Variants in RIMS1 observed in about 807,000 individuals in gnomAD.
RIMS1 encodes the protein regulating synaptic membrane exocytosis protein 1.
A neutral mutation model predicts 214.1 loss-of-function variants in RIMS1; 83 were observed. That is an observed-to-expected ratio of 0.39 (90% confidence interval 0.32 to 0.47). RIMS1 has a LOEUF of 0.47. Among genes scored for constraint, RIMS1 ranks in the 20% least tolerant of loss-of-function variants. The pLI is 0.99. For missense variants in RIMS1, 2,050 were observed against 2,161.8 expected (o/e 0.95, Z 1.03); for synonymous variants, 793 against 786.8 (o/e 1.01, Z -0.13).
At chr6:72,235,221 C>T (rs2063539786) in intron 7 of RIMS1, among the ~76,000 whole-genome samples, 1 of 151,826 alleles carries the variant, frequency 6.6e-6, no homozygotes, top group Non-Finnish European at 1.5e-5. Flanking sequence ...CATTCAATGT[C>T]CTCCTTCTAG....
intron 4 of RIMS1, among the ~76,000 whole-genome samples, chr6:72,169,848 C>T (rs762330331): frequency 3.3e-5 from 5 of 152,162 alleles, no homozygotes; most frequent in Non-Finnish European, 7.3e-5. Flanking sequence ...GAGGTTGAGG[C>T]TGCAGTGAGC....
chr6:72,141,631 C>T (rs1037987082), intron 4 of RIMS1, among the ~76,000 whole-genome samples: 35 of 151,926 alleles, frequency 2.3e-4, no homozygotes, highest in African/African-American at 7.7e-4. Flanking sequence ...TACATTTTGA[C>T]ATTTTATAAA....
chr6:71,923,571 TC>T (rs371737462), intron 1 of RIMS1, among the ~76,000 whole-genome samples: 43 of 151,308 alleles, frequency 2.8e-4, no homozygotes, highest in South Asian at 4.2e-4. Context: ...TTGTGACTTT[TC>T]TTTTTTTTTT....
chr6:72,350,035 C>G (rs2154368537), intron 29 of RIMS1, among the ~76,000 whole-genome samples: 1 of 152,158 alleles, frequency 6.6e-6, no homozygotes, highest in South Asian at 2.1e-4. Context: ...AAAATTTACT[C>G]TCACTTCAGT....
At chr6:72,317,236 C>T (rs1368227288) in intron 28 of RIMS1, 11 of 293,372 alleles carry the variant, frequency 3.7e-5, no homozygotes, top group Non-Finnish European at 4.7e-5. Context: ...GGGAGCATCT[C>T]GCAGCAAGTA....
intron 7 of RIMS1, 140 bp from the exon 8 acceptor site, chr6:72,235,476 CAT>C: frequency 1.8e-6 from 1 of 551,868 alleles, no homozygotes; most frequent in Non-Finnish European, 3.2e-6. Flanking sequence ...CGGGAACTAA[CAT>C]GTTCCTGGCT....
chr6:72,396,284 GTA>G (rs2098775654), intron 31 of RIMS1, among the ~76,000 whole-genome samples: 1 of 152,110 alleles, frequency 6.6e-6, no homozygotes. Flanking sequence ...ACACACGTGT[GTA>G]TGTGTGTGTG....
At chr6:72,237,130 T>G (rs1385399364) in intron 8 of RIMS1, among the ~76,000 whole-genome samples, 1 of 151,466 alleles carries the variant, frequency 6.6e-6, no homozygotes, top group African/African-American at 2.4e-5. Context: ...CACTTGAGCC[T>G]GGGAGTTCAC....
At chr6:71,997,533 A>G (rs1803831597) in intron 2 of RIMS1, among the ~76,000 whole-genome samples, 1 of 152,236 alleles carries the variant, frequency 6.6e-6, no homozygotes, top group African/African-American at 2.4e-5. Flanking sequence ...GTTAGAAATC[A>G]TCACAAAATT....
At chr6:71,892,483 C>G (rs1408136663) in intron 1 of RIMS1, among the ~76,000 whole-genome samples, 1 of 152,072 alleles carries the variant, frequency 6.6e-6, no homozygotes, top group African/African-American at 2.4e-5. Context: ...ATGTTCCACC[C>G]TTTTCTGAGG....
At chr6:72,188,152 A>T (rs1414762457) in intron 6 of RIMS1, among the ~76,000 whole-genome samples, 1 of 152,040 alleles carries the variant, frequency 6.6e-6, no homozygotes, top group Non-Finnish European at 1.5e-5. Flanking sequence ...TTCCCAGTCC[A>T]CTGACTCAAA....
At chr6:72,275,166 A>C (rs1173658619) in intron 23 of RIMS1, among the ~76,000 whole-genome samples, 5 of 20,516 alleles carry the variant, frequency 2.4e-4, no homozygotes, top group African/African-American at 9.5e-4. Context: ...ATATATATAT[A>C]TATATATATA....
rs183670898 is a variant in RIMS1 at position 72,307,279 on chromosome 6, G to A, written c.3872G>A (p.Arg1291Gln). The A allele has an allele frequency of 2.7e-5, 43 of 1,600,920 alleles. No homozygotes were observed. Among genetic ancestry groups the A allele is most frequent in the Admixed American group, 1.0e-4 (6 of 58,350 alleles). The change falls in exon 27 of 34, where the codon CGA becomes CAA. Residue 1291 changes from arginine to glutamine, a missense_variant. By Grantham distance (43) the Arg-to-Gln change is conservative (BLOSUM62 1). This residue lies in a region of RIMS1 where 889 missense variants were observed against 885.5 expected (regional missense o/e 1.00). Coordinates refer to ENST00000521978, the MANE Select transcript of RIMS1 (RefSeq NM_014989.7). ...GCAGCAAGCTTAGTAGTGGAGGAGC[G>A]AACAAGACAGATGAAAATGAAAGTG... is the stretch of plus-strand genomic sequence containing the variant. ...IEQASLVVEERTRQMKMKVHR... is the reference protein window; with the variant it reads ...IEQASLVVEEQTRQMKMKVHR...
At chr6:72,233,704 G>C (rs998088458) in intron 6 of RIMS1, 69 bp from the exon 7 acceptor site, 1 of 1,144,174 alleles carries the variant, frequency 8.7e-7, no homozygotes, top group Non-Finnish European at 1.3e-6. Flanking sequence ...GATCGAAGAA[G>C]TAAAGCTTAA....
chr6:72,031,173 A>G (rs532113911), intron 2 of RIMS1, among the ~76,000 whole-genome samples: 1 of 152,312 alleles, frequency 6.6e-6, no homozygotes, highest in East Asian at 1.9e-4. Flanking sequence ...ATGGTCATAA[A>G]TAGCAATAAG....
intron 2 of RIMS1, among the ~76,000 whole-genome samples, chr6:72,076,289 T>C (rs952220015): frequency 6.6e-6 from 1 of 152,208 alleles, no homozygotes; most frequent in Non-Finnish European, 1.5e-5. Flanking sequence ...CAAAATACCA[T>C]TGGCTGGGTG....
chr6:72,012,719 A>T (rs1811241501), intron 2 of RIMS1, among the ~76,000 whole-genome samples: 1 of 152,170 alleles, frequency 6.6e-6, no homozygotes, highest in African/African-American at 2.4e-5. Flanking sequence ...GCTGCTTGGC[A>T]TTGGTAAAGA....
intron 2 of RIMS1, among the ~76,000 whole-genome samples, chr6:72,015,214 C>T (rs74418945): frequency 6.6e-6 from 1 of 152,120 alleles, no homozygotes; most frequent in East Asian, 1.9e-4. Flanking sequence ...CAAAGTTTTG[C>T]CTGCGTTTTG....
In RIMS1 at chr6:72,003,430, C is replaced by CATGA. The variant is rs554101317; in HGVS notation, c.245+34392_245+34395dup. Among the ~76,000 whole-genome samples, 1,513 of 151,980 alleles carry CATGA rather than the reference C, an allele frequency of 1.0e-2. 11 individuals are homozygous for CATGA. Among genetic ancestry groups the CATGA allele is most frequent in the Admixed American group, 0.028 (431 of 15,252 alleles). ...TCCTGCTTGCCTGAGTGGATGAATA[C>CATGA]ATGAATGAATGAATGAATGAATGAA... On this transcript the variant is annotated intron_variant, in intron 2 of 33. Transcript: ENST00000521978.
Sources: gnomAD v4.1 joint callset for allele counts (sites outside exome capture counted in the v4.1 genomes callset) on GRCh38, gnomAD v4.1.1 for gene constraint, gnomAD v4.1.1 regional missense constraint, MANE v1.5 for transcripts, NCBI Gene and HGNC (gene_info 2026-07-23, HGNC 2026-07-21) for gene names.